CDKAL1: variants seen among roughly 807,000 people sequenced by gnomAD.
CDKAL1 encodes the protein CDKAL1 threonylcarbamoyladenosine tRNA methylthiotransferase.
A neutral mutation model predicts 68.2 loss-of-function variants in CDKAL1; 32 were observed. The observed-to-expected ratio is 0.47, with a 90% CI of 0.35 to 0.63. The LOEUF (loss-of-function observed/expected upper bound fraction) is 0.63, where lower values mean the gene tolerates loss of function less well. Ranked by LOEUF, CDKAL1 falls within the 30% of genes least tolerant of loss-of-function variation. The probability of loss-of-function intolerance (pLI) is 0.00; values close to 1 mark genes in which losing one functional copy is unlikely to be tolerated. For synonymous variants in CDKAL1, 234 were observed against 244.3 expected (o/e 0.96, Z 0.39); for missense variants, 606 against 696.7 (o/e 0.87, Z 1.47).
At chr6:20,743,019 A>G (rs906071131) in intron 6 of CDKAL1, among the ~76,000 whole-genome samples, 2 of 152,180 alleles carry the variant, frequency 1.3e-5, no homozygotes, top group African/African-American at 4.8e-5. Flanking sequence ...GAATTGCTAT[A>G]AAACTAGAAA....
At position 21,216,057 on chromosome 6, in the gene CDKAL1, G is replaced by A. The variant is rs1779331167; in HGVS notation, c.1548+14783G>A. Among the ~76,000 whole-genome samples, 3 of 152,184 alleles carry A rather than the reference G, an allele frequency of 2.0e-5. No homozygotes were observed. The South Asian group carries it at 6.2e-4, about 31-fold the overall frequency. The stretch of plus-strand genomic sequence containing the variant: ...CTTCGAAGATGGAAGCAGGCTGTGA[G>A]CCTAGGGATGCAAGCTAGAAAAGGC... On this transcript the variant is annotated intron_variant, in intron 15 of 15. Coordinates refer to ENST00000274695, the MANE Select transcript of CDKAL1 (RefSeq NM_017774.3).
At chr6:20,660,257 T>C (rs1489414096) in intron 5 of CDKAL1, among the ~76,000 whole-genome samples, 1 of 152,186 alleles carries the variant, frequency 6.6e-6, no homozygotes, top group Non-Finnish European at 1.5e-5. Context: ...TGCTACTAGA[T>C]TGTGAGTTTT....
chr6:20,587,342 T>C (rs1458276833), intron 4 of CDKAL1, among the ~76,000 whole-genome samples: 1 of 152,144 alleles, frequency 6.6e-6, no homozygotes, highest in East Asian at 1.9e-4. Context: ...ATAAAACTTA[T>C]AAATTATCTA....
At chr6:21,150,848 A>G (rs1296358516) in intron 13 of CDKAL1, among the ~76,000 whole-genome samples, 1 of 152,218 alleles carries the variant, frequency 6.6e-6, no homozygotes, top group Admixed American at 6.5e-5. Context: ...TCACATTACT[A>G]TGAGAGCACA....
intron 9 of CDKAL1, among the ~76,000 whole-genome samples, chr6:20,876,773 T>G (rs1004274197): frequency 6.6e-5 from 10 of 152,150 alleles, no homozygotes; most frequent in African/African-American, 2.4e-4. Context: ...AGTTTTCTTT[T>G]GAGTATTTGC....
intron 6 of CDKAL1, among the ~76,000 whole-genome samples, chr6:20,742,670 G>A (rs62399293): frequency 0.057 from 8,692 of 151,316 alleles, 288 homozygotes; most frequent in African/African-American, 0.099. Flanking sequence ...TAATGCTCTC[G>A]CTGGTCTTTT....
chr6:20,836,967 G>A (rs1777976776), intron 8 of CDKAL1, among the ~76,000 whole-genome samples: 1 of 152,068 alleles, frequency 6.6e-6, no homozygotes, highest in Non-Finnish European at 1.5e-5. Flanking sequence ...TCTCTCTCTG[G>A]TAAATGCTAC....
At chr6:20,909,248 G>T (rs796137682) in intron 9 of CDKAL1, among the ~76,000 whole-genome samples, 1 of 151,198 alleles carries the variant, frequency 6.6e-6, no homozygotes, top group African/African-American at 2.4e-5. Flanking sequence ...AGCCCCTATG[G>T]TACAGAATTC....
At chr6:21,198,214 C>T in intron 14 of CDKAL1, 110 bp downstream of exon 14, 1 of 686,354 alleles carries the variant, frequency 1.5e-6, no homozygotes, top group East Asian at 2.7e-5. Context: ...CACAACAAGG[C>T]TGTTTTATCG....
At chr6:20,667,143 A>T (rs1769586571) in intron 5 of CDKAL1, among the ~76,000 whole-genome samples, 1 of 152,190 alleles carries the variant, frequency 6.6e-6, no homozygotes, top group Admixed American at 6.5e-5. Context: ...AGGATTTTCC[A>T]AAGTAAATGA....
intron 7 of CDKAL1, among the ~76,000 whole-genome samples, chr6:20,759,795 A>T (rs1774385953): frequency 6.6e-6 from 1 of 152,232 alleles, no homozygotes; most frequent in Non-Finnish European, 1.5e-5. Flanking sequence ...GTATAATTTT[A>T]AATTTTTAAA....
chr6:21,108,849 T>C (rs567760939), intron 13 of CDKAL1, among the ~76,000 whole-genome samples: 2 of 152,308 alleles, frequency 1.3e-5, no homozygotes, highest in South Asian at 2.1e-4. Flanking sequence ...TTCCTCCTGA[T>C]AGAAAGTTAT....
chr6:21,118,339 G>A (rs897832803), intron 13 of CDKAL1, among the ~76,000 whole-genome samples: 1 of 152,192 alleles, frequency 6.6e-6, no homozygotes, highest in African/African-American at 2.4e-5. Flanking sequence ...AGGGTCCTGT[G>A]ATTGGTAGTT....
chr6:20,719,044 T>A (rs1772223610), intron 5 of CDKAL1, among the ~76,000 whole-genome samples: 2 of 152,168 alleles, frequency 1.3e-5, no homozygotes, highest in African/African-American at 4.8e-5. Context: ...TGTCTTTCTG[T>A]CAGTTCATGG....
chr6:20,698,453 A>G (rs977899378), intron 5 of CDKAL1, among the ~76,000 whole-genome samples: 1 of 152,162 alleles, frequency 6.6e-6, no homozygotes, highest in Non-Finnish European at 1.5e-5. Context: ...TTTCTGTTCC[A>G]GTATTTCATC....
At chr6:20,748,997 G>GTATATA (rs373574306) in intron 6 of CDKAL1, among the ~76,000 whole-genome samples, 7,008 of 150,476 alleles carry the variant, frequency 0.047, 180 homozygotes, top group Middle Eastern at 0.078. Context: ...GTATGTGTGT[G>GTATATA]TATATATATA....
At chr6:21,192,810 C>CTTT (rs34456723) in intron 13 of CDKAL1, among the ~76,000 whole-genome samples, 3 of 124,854 alleles carry the variant, frequency 2.4e-5, no homozygotes, top group African/African-American at 9.2e-5. Context: ...TTGAGAGTTC[C>CTTT]TTTTTTTTTT....
At chr6:21,189,019 G>A (rs964937031) in intron 13 of CDKAL1, among the ~76,000 whole-genome samples, 11 of 152,094 alleles carry the variant, frequency 7.2e-5, no homozygotes, top group East Asian at 1.9e-4. Context: ...ATTGGCTCTC[G>A]ATCAGCAGAT....
chr6:20,797,743 G>A (rs182448892), intron 8 of CDKAL1, among the ~76,000 whole-genome samples: 75 of 145,628 alleles, frequency 5.2e-4, no homozygotes, highest in Middle Eastern at 3.5e-3. Context: ...CTAAAAGGCT[G>A]TATGTATGAT....
Sources: allele counts gnomAD v4.1 joint callset (sites outside exome capture counted in the v4.1 genomes callset), GRCh38; gene constraint gnomAD v4.1.1; transcripts MANE v1.5; gene names NCBI Gene and HGNC (gene_info 2026-07-23, HGNC 2026-07-21).